The following PRAP1 variants were observed in gnomAD, a reference collection of about 807,000 sequenced individuals.
PRAP1 encodes proline-rich acidic protein 1.
PRAP1 carries 12 observed loss-of-function variants against 14.6 expected under a neutral mutation model. The observed-to-expected ratio is 0.82, with a 90% CI of 0.53 to 1.33. The LOEUF is 1.33. PRAP1 is among the 40% of genes most tolerant of loss of function. The pLI is 0.00. For synonymous variants in PRAP1, 81 were observed against 80.3 expected (o/e 1.01, Z -0.04); for missense variants, 160 against 193.7 (o/e 0.83, Z 1.03).
At chr10:133,349,659 G>C (rs1182476820) in intron 1 of PRAP1, among the ~76,000 whole-genome samples, 1 of 152,266 alleles carries the variant, frequency 6.6e-6, no homozygotes, top group East Asian at 1.9e-4. Context: ...CTGCAGCAGC[G>C]TGCAGCCTCA....
At position 133,350,475 on chromosome 10, in the gene PRAP1, G is replaced by A. The variant is rs905984426; in HGVS notation, c.75+314G>A. The A allele has an allele frequency of 1.9e-5, 6 of 318,258 alleles. No individual in the cohort carries two copies. In the East Asian group the frequency reaches 3.2e-4, roughly 17 times the overall value. The allele number at this position is 318,258 out of a possible 1,614,324, so 19.7% of individuals were successfully genotyped here. On this transcript the variant is annotated intron_variant, in intron 2 of 4. Coordinates refer to ENST00000433452, the MANE Select transcript of PRAP1 (RefSeq NM_145202.5). The stretch of plus-strand genomic sequence containing the variant: ...AGATGAGCCCCCGTGACCCCAGGTG[G>A]AGGAGGTGGGCCCGGATGACACCCA...
Position 133,347,470 on chromosome 10 carries a change from C to T in PRAP1, c.8+45C>T, listed in dbSNP as rs766902398. 6.3e-7 allele frequency: 1 copy of T among 1,585,052 alleles called. No individual in the cohort carries two copies. Among genetic ancestry groups the T allele is most frequent in the South Asian group, 1.2e-5 (1 of 86,152 alleles). The stretch of plus-strand genomic sequence containing the variant: ...GCCCCAATCCCCACCCCACCCAAAC[C>T]TGGAGGCCTGGCCCTTAGCCAGAGG... On this transcript the variant is annotated intron_variant, in intron 1 of 4. Transcript: ENST00000433452. The surrounding 1 kb of genome is among the most constrained non-coding windows in gnomAD (Gnocchi z 5.0).
Position 133,350,137 on chromosome 10 carries a change from G to C in PRAP1, c.51G>C (p.Glu17Asp), listed in dbSNP as rs752463136. 4 of 1,613,530 alleles carry C rather than the reference G, an allele frequency of 2.5e-6. No homozygotes were observed. Among genetic ancestry groups the C allele is most frequent in the East Asian group, 2.2e-5 (1 of 44,878 alleles). ...GCCTGGTGGTTGTGCTGCTGTGGGAGGCAGGTGCAGTCCCAGCACCCAAGG... is the reference window on the plus strand; with the variant it reads ...GCCTGGTGGTTGTGCTGCTGTGGGACGCAGGTGCAGTCCCAGCACCCAAGG... ...VTSLVVVLLW[E>D]AGAVPAPKVP... The change falls in exon 2 of 5, where the codon GAG becomes GAC. Residue 17 changes from glutamate to aspartate, a missense_variant. By Grantham distance (45) the Glu-to-Asp change is conservative. Coordinates refer to ENST00000433452, the MANE Select transcript of PRAP1 (RefSeq NM_145202.5).
At chr10:133,349,624 C>T (rs1427087815) in intron 1 of PRAP1, among the ~76,000 whole-genome samples, 5 of 152,250 alleles carry the variant, frequency 3.3e-5, no homozygotes, top group Non-Finnish European at 7.3e-5. Context: ...GGCCCCGCAG[C>T]TCTGGGACAC....
At position 133,351,312 on chromosome 10, in the gene PRAP1, C is replaced by T; in HGVS notation, c.76-69C>T. On this transcript the variant is annotated intron_variant, in intron 2 of 4. Coordinates refer to ENST00000433452, the MANE Select transcript of PRAP1 (RefSeq NM_145202.5). This position sits in a 1 kb window ranked among gnomAD's most constrained non-coding sequence, Gnocchi z 4.3. ...ATGCAGCCCCAGGTGGGCCTCGGAGCAACCTCTCCCCAGGTGTCCTCCACC... is the reference window on the plus strand; with the variant it reads ...ATGCAGCCCCAGGTGGGCCTCGGAGTAACCTCTCCCCAGGTGTCCTCCACC... The T allele has an allele frequency of 2.2e-6, 3 of 1,343,812 alleles. No individual in the cohort carries two copies. Among genetic ancestry groups the T allele is most frequent in the Non-Finnish European group, 3.1e-6 (3 of 958,866 alleles). 83.2% of individuals were successfully genotyped at this position (1,343,812 alleles called of 1,614,324 possible). A position where few individuals can be genotyped will look rare whatever the true frequency, so the allele number is the denominator to read the frequency against.
intron 2 of PRAP1, among the ~76,000 whole-genome samples, chr10:133,350,891 TGGCTGGGCTC>T: frequency 5.7e-3 from 1 of 176 alleles, no homozygotes; most frequent in Non-Finnish European, 0.013. Flanking sequence ...CCACTGAGGA[TGGCTGGGCTC>T]AGAGCAGCTG....
At chr10:133,348,680 A>ATT (rs58838469) in intron 1 of PRAP1, among the ~76,000 whole-genome samples, 1 of 138,310 alleles carries the variant, frequency 7.2e-6, no homozygotes, top group Non-Finnish European at 1.6e-5. Flanking sequence ...CGCCTGGCTA[A>ATT]TTTTTTTTTT....
intron 1 of PRAP1, among the ~76,000 whole-genome samples, chr10:133,349,464 T>C (rs914644552): frequency 6.6e-6 from 1 of 152,000 alleles, no homozygotes; most frequent in Admixed American, 6.6e-5. Context: ...ACCATGCACA[T>C]GGTCCACACC....
intron 1 of PRAP1, among the ~76,000 whole-genome samples, chr10:133,349,133 C>G (rs987222082): frequency 6.6e-6 from 1 of 151,094 alleles, no homozygotes; most frequent in African/African-American, 2.4e-5. Context: ...AACCCTCACA[C>G]TCTACACACC....
chr10:133,349,562 C>G (rs945062376), intron 1 of PRAP1, among the ~76,000 whole-genome samples: 1 of 152,208 alleles, frequency 6.6e-6, no homozygotes, highest in Non-Finnish European at 1.5e-5. Flanking sequence ...GACCTGACAC[C>G]CTGCCTGCCT....
In PRAP1 at chr10:133,352,082, GA is replaced by G. The variant is rs1564795015; in HGVS notation, c.207del (p.Lys69AsnfsTer3). 2 of 1,612,828 alleles carry G rather than the reference GA, an allele frequency of 1.2e-6. No individual in the cohort carries two copies. The highest frequency in any genetic ancestry group is 1.7e-6 in the Non-Finnish European group (2 of 1,179,942). On this transcript the variant is annotated frameshift_variant, in exon 4 of 5. Transcript: ENST00000433452. LOFTEE classifies it high-confidence loss of function. ...LVVLFPVQKP[K>X]LLTTEEKPRG... is the part of the protein sequence containing the mutation. Reference sequence around the variant, plus strand: ...TGGTGCTGTTCCCTGTCCAGAAGCCGAAACTCTTGACCACCGAGGAGAAGCC... The same window carrying G: ...TGGTGCTGTTCCCTGTCCAGAAGCCGAACTCTTGACCACCGAGGAGAAGCC...
chr10:133,351,907 G>A lies in PRAP1; in HGVS notation c.129-100G>A. 3.4e-6 allele frequency: 5 copies of A among 1,459,756 alleles called. No individual in the cohort carries two copies. The highest frequency in any genetic ancestry group is 3.7e-6 in the Non-Finnish European group (4 of 1,085,864). 90.4% of individuals were successfully genotyped at this position (1,459,756 alleles called of 1,614,324 possible). A position where few individuals can be genotyped will look rare whatever the true frequency, so the allele number is the denominator to read the frequency against. ...GGCTTGTCCTGGGGCTGCTGGTGGTGGGGCTGGAGTGGCTGCCCTGGGATG... is the reference window on the plus strand; with the variant it reads ...GGCTTGTCCTGGGGCTGCTGGTGGTAGGGCTGGAGTGGCTGCCCTGGGATG... On this transcript the variant is annotated intron_variant, in intron 3 of 4. Coordinates refer to ENST00000433452, the MANE Select transcript of PRAP1 (RefSeq NM_145202.5). The surrounding 1 kb of genome is among the most constrained non-coding windows in gnomAD (Gnocchi z 4.3).
chr10:133,347,727 C>A lies in PRAP1; in HGVS notation c.8+302C>A, dbSNP rs1848607562. The stretch of plus-strand genomic sequence containing the variant: ...GCTGAAACCAGCAGGCCTGTGACTG[C>A]CCAAAAGGAAGGGGGCTGGGGGAGG... On this transcript the variant is annotated intron_variant, in intron 1 of 4. Coordinates refer to ENST00000433452, the MANE Select transcript of PRAP1 (RefSeq NM_145202.5). The surrounding 1 kb of genome is among the most constrained non-coding windows in gnomAD (Gnocchi z 5.0). Among the ~76,000 whole-genome samples, 2 of 152,072 alleles carry A rather than the reference C, an allele frequency of 1.3e-5. No homozygotes were observed. Among genetic ancestry groups the A allele is most frequent in the African/African-American group, 4.8e-5 (2 of 41,502 alleles).
chr10:133,350,332 G>A (rs1848657461), intron 2 of PRAP1, among the ~76,000 whole-genome samples, 171 bp downstream of exon 2: 1 of 152,242 alleles, frequency 6.6e-6, no homozygotes, highest in Non-Finnish European at 1.5e-5. Context: ...GCATGAGGAG[G>A]GGGCAGGCTT....
In PRAP1 at chr10:133,352,358, G is replaced by A. The variant is rs1006205892; in HGVS notation, c.374G>A (p.Arg125Lys). 3 of 1,613,014 alleles carry A rather than the reference G, an allele frequency of 1.9e-6. No homozygotes were observed. The African/African-American group carries it at 4.0e-5, about 22-fold the overall frequency. Reference protein sequence around the residue: ...PPPEEDQGEERPRLWVMPNHQ... With the variant: ...PPPEEDQGEEKPRLWVMPNHQ... The stretch of plus-strand genomic sequence containing the variant: ...CCTGAGGAGGACCAGGGCGAGGAGA[G>A]GCCCCGGTTGTGGGTGATGCCAAAT... Residue 125 changes from arginine (R) to lysine (K), a missense_variant, in exon 5 of 5, where the codon AGG becomes AAG. Arg to Lys is a conservative substitution (Grantham distance 26). Transcript: ENST00000433452.
intron 1 of PRAP1, among the ~76,000 whole-genome samples, chr10:133,349,638 A>G (rs1163257464): frequency 6.6e-6 from 1 of 152,230 alleles, no homozygotes; most frequent in African/African-American, 2.4e-5. Flanking sequence ...GGGACACAGC[A>G]GGTGCCCTGC....
Position 133,351,702 on chromosome 10 carries a change from G to A in PRAP1, c.128+269G>A, listed in dbSNP as rs1279786120. ...GCCTCCAGGGCAGCTTGTGCTCCAC[G>A]GCTGGTGGCTGTAGCTGGGGCGGCT... is the stretch of plus-strand genomic sequence containing the variant. On this transcript the variant is annotated intron_variant, in intron 3 of 4. Coordinates refer to ENST00000433452, the MANE Select transcript of PRAP1 (RefSeq NM_145202.5). This position sits in a 1 kb window ranked among gnomAD's most constrained non-coding sequence, Gnocchi z 4.3. Among the ~76,000 whole-genome samples, 1 of 152,210 alleles carries A rather than the reference G, an allele frequency of 6.6e-6. No homozygotes were observed. The highest frequency in any genetic ancestry group is 2.4e-5 in the African/African-American group (1 of 41,450).
At chr10:133,348,250 C>A (rs1564793647) in intron 1 of PRAP1, among the ~76,000 whole-genome samples, 1 of 152,166 alleles carries the variant, frequency 6.6e-6, no homozygotes, top group Non-Finnish European at 1.5e-5. Context: ...GACAAGAGCC[C>A]CTGCCCAGCA....
Position 133,351,085 on chromosome 10 carries a change from A to G in PRAP1, c.76-296A>G, listed in dbSNP as rs2133405219. ...CGGCCAGGGTTGGGAGTGCTAGGTC[A>G]GGGATACGGTGCCAGGTTACATCCC... On this transcript the variant is annotated intron_variant, in intron 2 of 4. Coordinates refer to ENST00000433452, the MANE Select transcript of PRAP1 (RefSeq NM_145202.5). This position sits in a 1 kb window ranked among gnomAD's most constrained non-coding sequence, Gnocchi z 4.3. Among the ~76,000 whole-genome samples, 1 of 152,322 alleles carries G rather than the reference A, an allele frequency of 6.6e-6. No individual in the cohort carries two copies. Among genetic ancestry groups the G allele is most frequent in the Middle Eastern group, 3.4e-3 (1 of 294 alleles).
Sources: gnomAD v4.1 joint callset for allele counts (sites outside exome capture counted in the v4.1 genomes callset) on GRCh38, gnomAD v4.1.1 for gene constraint, Gnocchi (gnomAD v3.1) non-coding constraint, MANE v1.5 for transcripts, NCBI Gene and HGNC (gene_info 2026-07-23, HGNC 2026-07-21) for gene names.